CMPK1: variants seen among roughly 807,000 people sequenced by gnomAD.
CMPK1 encodes UMP-CMP kinase.
Under a neutral mutation model 25.7 loss-of-function variants are expected in CMPK1, and 10 were observed. The ratio of observed to expected loss-of-function variants is 0.39; its 90% CI spans 0.24 to 0.66. The LOEUF is 0.66. Ranked by LOEUF, CMPK1 falls within the 30% of genes least tolerant of loss-of-function variation. The probability of loss-of-function intolerance (pLI) is 0.48; values close to 1 mark genes in which losing one functional copy is unlikely to be tolerated. For synonymous variants in CMPK1, 106 were observed against 101.5 expected (o/e 1.04, Z -0.27); for missense variants, 199 against 280.5 (o/e 0.71, Z 2.08).
chr1:47,360,305 T>C (rs1445265829), intron 1 of CMPK1, among the ~76,000 whole-genome samples: 2 of 151,510 alleles, frequency 1.3e-5, no homozygotes. Flanking sequence ...AATACTGGAA[T>C]TGACCAATTA....
At chr1:47,342,649 C>CTTTTTTTTTTTTTTTT (rs11334963) in intron 1 of CMPK1, among the ~76,000 whole-genome samples, 3 of 116,416 alleles carry the variant, frequency 2.6e-5, no homozygotes, top group Admixed American at 9.9e-5. Flanking sequence ...TCTCTTTTTT[C>CTTTTTTTTTTTTTTTT]TTTTTTTTTT....
At chr1:47,342,150 C>T (rs1017821618) in intron 1 of CMPK1, among the ~76,000 whole-genome samples, 3 of 151,900 alleles carry the variant, frequency 2.0e-5, no homozygotes, top group Non-Finnish European at 4.4e-5. Flanking sequence ...GGGGTGATCT[C>T]GGCTCACTGC....
chr1:47,351,932 T>C (rs761648534), intron 1 of CMPK1, among the ~76,000 whole-genome samples: 5 of 152,036 alleles, frequency 3.3e-5, no homozygotes, highest in Admixed American at 6.6e-5. Flanking sequence ...GGTCAGGAGT[T>C]GATGACCAGC....
chr1:47,366,197 C>T (rs1442703507), intron 1 of CMPK1, among the ~76,000 whole-genome samples: 1 of 152,118 alleles, frequency 6.6e-6, no homozygotes, highest in African/African-American at 2.4e-5. Context: ...ACAACAACAA[C>T]AAAAAGCCAC....
intron 3 of CMPK1, 27 bp downstream of exon 3, chr1:47,373,134 T>C: frequency 6.3e-7 from 1 of 1,578,948 alleles, no homozygotes; most frequent in Non-Finnish European, 8.6e-7. Context: ...TCTGCCCACA[T>C]AGGCTTTAAG....
intron 2 of CMPK1, among the ~76,000 whole-genome samples, chr1:47,368,996 T>C (rs1646658567): frequency 6.6e-6 from 1 of 152,090 alleles, no homozygotes. Flanking sequence ...TAATGAAAAA[T>C]ATCAAAGATT....
intron 1 of CMPK1, among the ~76,000 whole-genome samples, chr1:47,365,595 C>G (rs987275127): frequency 7.5e-6 from 1 of 133,830 alleles, no homozygotes; most frequent in African/African-American, 2.8e-5. Flanking sequence ...GATCGTGCCA[C>G]TGCACTCCAA....
intron 1 of CMPK1, among the ~76,000 whole-genome samples, chr1:47,340,564 A>G (rs1646434196): frequency 6.6e-6 from 1 of 152,210 alleles, no homozygotes; most frequent in Non-Finnish European, 1.5e-5. Flanking sequence ...AGCAGCATTC[A>G]GAAGAAACTA....
chr1:47,368,848 C>A (rs1189454792), intron 2 of CMPK1, among the ~76,000 whole-genome samples: 1 of 152,118 alleles, frequency 6.6e-6, no homozygotes, highest in African/African-American at 2.4e-5. Flanking sequence ...GTAGTCCCAG[C>A]TGCTTGTGAG....
chr1:47,359,164 A>C (rs571334583), intron 1 of CMPK1, among the ~76,000 whole-genome samples: 7 of 151,998 alleles, frequency 4.6e-5, no homozygotes, highest in Middle Eastern at 3.4e-3. Context: ...TAAAAATACA[A>C]AAATTAGCCT....
intron 1 of CMPK1, chr1:47,358,338 C>G: frequency 1.1e-6 from 1 of 915,974 alleles, no homozygotes; most frequent in Non-Finnish European, 1.5e-6. Flanking sequence ...ATCTCAAACT[C>G]CTGGCCTCGA....
chr1:47,351,620 C>T (rs1318248052), intron 1 of CMPK1, among the ~76,000 whole-genome samples: 1 of 152,156 alleles, frequency 6.6e-6, no homozygotes, highest in African/African-American at 2.4e-5. Context: ...TGCTGAGTCA[C>T]ATGGTAATTT....
At chr1:47,369,905 CTCTCT>C (rs1312984971) in intron 2 of CMPK1, among the ~76,000 whole-genome samples, 88 of 95,486 alleles carry the variant, frequency 9.2e-4, no homozygotes, top group Admixed American at 3.5e-3. Context: ...TCTTCTTTCT[CTCTCT>C]TTTTTTTTTT....
intron 1 of CMPK1, among the ~76,000 whole-genome samples, chr1:47,336,938 T>A (rs1211414412): frequency 1.3e-5 from 2 of 152,236 alleles, no homozygotes; most frequent in Non-Finnish European, 2.9e-5. Flanking sequence ...GCCTTTAAAA[T>A]ATCTGTACCT....
intron 1 of CMPK1, among the ~76,000 whole-genome samples, chr1:47,345,169 C>T (rs567804619): frequency 2.0e-4 from 31 of 152,160 alleles, no homozygotes; most frequent in Non-Finnish European, 3.4e-4. Context: ...CCGCCTGCTT[C>T]AGCCTCCCAA....
intron 1 of CMPK1, 81 bp downstream of exon 1, chr1:47,334,197 C>A: frequency 8.4e-7 from 1 of 1,188,256 alleles, no homozygotes; most frequent in South Asian, 3.3e-5. Flanking sequence ...AGTCCGCGCC[C>A]CGCGGAGTCG....
intron 1 of CMPK1, among the ~76,000 whole-genome samples, chr1:47,356,533 T>G (rs1277863181): frequency 1.3e-5 from 2 of 152,204 alleles, no homozygotes; most frequent in Non-Finnish European, 2.9e-5. Context: ...TTACCAAGTT[T>G]CATTTAAAAC....
In CMPK1 at chr1:47,376,792, G is replaced by T. The variant is rs1334784300; in HGVS notation, c.*47G>T. 6 of 1,124,884 alleles carry T rather than the reference G, an allele frequency of 5.3e-6. No individual in the cohort carries two copies. Among genetic ancestry groups the T allele is most frequent in the South Asian group, 1.3e-5 (1 of 77,252 alleles). 69.7% of individuals were successfully genotyped at this position (1,124,884 alleles called of 1,614,324 possible). On this transcript the variant is annotated 3_prime_UTR_variant, in exon 6 of 6. Transcript: ENST00000371873. Reference sequence around the variant, plus strand: ...TGAAATCATGCTTGAATATTGCTTTGATAGCTGCTATCATGACCCCTTTTT... The same window carrying T: ...TGAAATCATGCTTGAATATTGCTTTTATAGCTGCTATCATGACCCCTTTTT...
intron 4 of CMPK1, 76 bp downstream of exon 4, chr1:47,375,061 T>C (rs1439871617): frequency 8.9e-6 from 12 of 1,349,252 alleles, no homozygotes; most frequent in Admixed American, 1.7e-5. Context: ...AAGAGTCACA[T>C]TTAAACATGT....
Sources: gnomAD v4.1 joint callset for allele counts (sites outside exome capture counted in the v4.1 genomes callset) on GRCh38, gnomAD v4.1.1 for gene constraint, MANE v1.5 for transcripts, NCBI Gene and HGNC (gene_info 2026-07-23, HGNC 2026-07-21) for gene names.